C7orf78: variants seen among roughly 807,000 people sequenced by gnomAD.
C7orf78 encodes the protein chromosome 7 open reading frame 78.
chr7:12,514,914 T>C, the C7orf78 span, among the ~76,000 whole-genome samples: 4 of 152,196 alleles, frequency 2.6e-5, no homozygotes, highest in African/African-American at 9.7e-5. Context: ...GGTGATAGGA[T>C]TTTTTCTTTT....
At chr7:12,537,082 A>G in the C7orf78 span, among the ~76,000 whole-genome samples, 3 of 152,302 alleles carry the variant, frequency 2.0e-5, no homozygotes, top group African/African-American at 2.4e-5. Flanking sequence ...GTATCTGTTC[A>G]GCAGCATCCC....
the C7orf78 span, among the ~76,000 whole-genome samples, chr7:12,534,568 A>G: frequency 6.6e-6 from 1 of 152,180 alleles, no homozygotes; most frequent in Non-Finnish European, 1.5e-5. Flanking sequence ...TAGAGAAAAT[A>G]TTTGCTACTC....
chr7:12,514,594 T>C, the C7orf78 span, among the ~76,000 whole-genome samples: 2 of 152,280 alleles, frequency 1.3e-5, no homozygotes, highest in East Asian at 3.9e-4. Flanking sequence ...CATTGTTTTC[T>C]GGCTGTTTTA....
chr7:12,540,283 T>C, the C7orf78 span, among the ~76,000 whole-genome samples: 5 of 152,324 alleles, frequency 3.3e-5, no homozygotes, highest in South Asian at 8.3e-4. Flanking sequence ...CTCACCTAAG[T>C]GGGAAGCCTC....
the C7orf78 span, among the ~76,000 whole-genome samples, chr7:12,500,214 A>C: frequency 6.6e-6 from 1 of 151,844 alleles, no homozygotes; most frequent in African/African-American, 2.4e-5. Flanking sequence ...AGCAGAAGGC[A>C]AGAAATAACT....
chr7:12,492,971 G>A, the C7orf78 span, among the ~76,000 whole-genome samples: 2 of 152,198 alleles, frequency 1.3e-5, no homozygotes, highest in Admixed American at 6.5e-5. Context: ...GGGAGGCCGA[G>A]GTGGGTGGAT....
chr7:12,530,097 G>A, the C7orf78 span, among the ~76,000 whole-genome samples: 2 of 152,020 alleles, frequency 1.3e-5, no homozygotes, highest in East Asian at 1.9e-4. Flanking sequence ...GTTGAGTCCC[G>A]CCTCCTACCT....
At chr7:12,533,275 ACAG>A in the C7orf78 span, among the ~76,000 whole-genome samples, 4 of 152,102 alleles carry the variant, frequency 2.6e-5, no homozygotes, top group Non-Finnish European at 5.9e-5. Context: ...ATCTCAGCTC[ACAG>A]CAACTTTCAC....
chr7:12,515,632 G>A, the C7orf78 span, among the ~76,000 whole-genome samples: 1 of 152,332 alleles, frequency 6.6e-6, no homozygotes, highest in Middle Eastern at 3.4e-3. Flanking sequence ...GAAATTCCTA[G>A]AGACTTGTTG....
At chr7:12,539,022 T>C in the C7orf78 span, among the ~76,000 whole-genome samples, 964 of 152,284 alleles carry the variant, frequency 6.3e-3, 14 homozygotes, top group African/African-American at 0.021. Flanking sequence ...CCTTCACCCA[T>C]ATGCACCCTT....
At chr7:12,499,406 C>CA in the C7orf78 span, among the ~76,000 whole-genome samples, 14,070 of 150,328 alleles carry the variant, frequency 0.094, 712 homozygotes, top group Non-Finnish European at 0.13. Flanking sequence ...AAATGGAAAA[C>CA]AAAAAAAGGC....
At chr7:12,536,108 G>C in the C7orf78 span, among the ~76,000 whole-genome samples, 2 of 152,178 alleles carry the variant, frequency 1.3e-5, no homozygotes, top group African/African-American at 4.8e-5. Context: ...CCCCAGTGAG[G>C]ACTCTGTGTG....
the C7orf78 span, among the ~76,000 whole-genome samples, chr7:12,489,030 C>G: frequency 6.6e-6 from 1 of 151,038 alleles, no homozygotes; most frequent in South Asian, 2.1e-4. Flanking sequence ...AAAGGAATAC[C>G]CAAATGCTGG....
chr7:12,518,103 G>A, the C7orf78 span, among the ~76,000 whole-genome samples: 1 of 152,200 alleles, frequency 6.6e-6, no homozygotes, highest in African/African-American at 2.4e-5. Flanking sequence ...GTGTGCAGTA[G>A]TGTAGTCTCT....
At chr7:12,512,823 G>C in the C7orf78 span, among the ~76,000 whole-genome samples, 2 of 152,090 alleles carry the variant, frequency 1.3e-5, no homozygotes, top group Non-Finnish European at 2.9e-5. Context: ...TCTTTGCTGA[G>C]AGCCTTCTTA....
chr7:12,488,226 A>G, the C7orf78 span, among the ~76,000 whole-genome samples: 2 of 152,062 alleles, frequency 1.3e-5, no homozygotes, highest in East Asian at 3.9e-4. Context: ...TTTGAAAACC[A>G]TCTATCTTCA....
At chr7:12,511,673 A>G in the C7orf78 span, among the ~76,000 whole-genome samples, 1 of 152,224 alleles carries the variant, frequency 6.6e-6, no homozygotes, top group South Asian at 2.1e-4. Flanking sequence ...CTATTTCATT[A>G]TTGGTGTATA....
the C7orf78 span, among the ~76,000 whole-genome samples, chr7:12,537,093 A>C: frequency 6.6e-6 from 1 of 152,222 alleles, no homozygotes; most frequent in African/African-American, 2.4e-5. Context: ...GCAGCATCCC[A>C]GTCTACCAGT....
At chr7:12,502,662 G>A in the C7orf78 span, among the ~76,000 whole-genome samples, 1 of 152,064 alleles carries the variant, frequency 6.6e-6, no homozygotes, top group African/African-American at 2.4e-5. Context: ...AACCATTGTA[G>A]AAGTTGGTGT....
Sources: gnomAD v4.1 joint callset for allele counts (sites outside exome capture counted in the v4.1 genomes callset) on GRCh38, gnomAD v4.1.1 for gene constraint, MANE v1.5 for transcripts, NCBI Gene and HGNC (gene_info 2026-07-23, HGNC 2026-07-21) for gene names.